SLITRK3: variants seen among roughly 807,000 people sequenced by gnomAD.
SLITRK3 encodes SLIT and NTRK like family member 3, also known as SLIT and NTRK-like protein 3.
A neutral mutation model predicts 63.6 loss-of-function variants in SLITRK3; 16 were observed. That is an observed-to-expected ratio of 0.25 (90% CI 0.17 to 0.38). The LOEUF (loss-of-function observed/expected upper bound fraction) is 0.38. Among genes scored for constraint, SLITRK3 ranks in the 10% least tolerant of loss-of-function variants. The pLI is 1.00. For missense variants in SLITRK3, 1,117 were observed against 1,181.4 expected (o/e 0.95, Z 0.80); for synonymous variants, 547 against 451.6 (o/e 1.21, Z -2.68).
rs916058552 is a variant in SLITRK3, at chr3:165,189,986, G to A, written c.845C>T (p.Pro282Leu). The change falls in exon 2 of 2, where the codon CCC becomes CTC. Residue 282 changes from proline to leucine, a missense_variant. Around this residue, in one of 4 missense-constraint regions of SLITRK3, gnomAD observed 452 missense variants for 495.3 expected, o/e 0.91. Transcript: ENST00000475390. The surrounding 1 kb of genome is among the most constrained non-coding windows in gnomAD (Gnocchi z 4.0). ...CTCTACCTCAGAGTCAGACAACAAG[G>A]GACAGAGTTCTGTCTTCCTGATTTC... The part of the protein sequence containing the change: ...LREIRKTELC[P>L]LLSDSEVEAS... 5 of 1,614,018 alleles carry A rather than the reference G, an allele frequency of 3.1e-6. No individual in the cohort carries two copies. Among genetic ancestry groups the A allele is most frequent in the Non-Finnish European group, 4.2e-6 (5 of 1,180,032 alleles).
rs747160703 is a variant in SLITRK3 at position 165,189,933 on chromosome 3, A to T, written c.898T>A (p.Ser300Thr). The T allele has an allele frequency of 1.8e-5, 29 of 1,614,018 alleles. No individual in the cohort carries two copies. In the East Asian group the frequency reaches 5.8e-4, roughly 32 times the overall value. The change falls in exon 2 of 2, where the codon TCA (serine) becomes ACA (threonine). Residue 300 changes from serine to threonine, a missense_variant. Ser to Thr is a moderately conservative substitution (Grantham distance 58). Transcript: ENST00000475390. This position sits in a 1 kb window ranked among gnomAD's most constrained non-coding sequence, Gnocchi z 4.0. ...EASLGIPHSS[S>T]SKENAWPTKP... Reference sequence around the variant, plus strand: ...GTTGGCCATGCATTCTCCTTACTTGATGACGAATGTGGAATTCCCAAACTA... The same window carrying T: ...GTTGGCCATGCATTCTCCTTACTTGTTGACGAATGTGGAATTCCCAAACTA...
At position 165,189,750 on chromosome 3, in the gene SLITRK3, C is replaced by T. The variant is rs775498452; in HGVS notation, c.1081G>A (p.Ala361Thr). Residue 361 changes from alanine (A) to threonine (T), a missense_variant, in exon 2 of 2, where the codon GCT (alanine) becomes ACT (threonine). Coordinates refer to ENST00000475390, the MANE Select transcript of SLITRK3 (RefSeq NM_001318810.2). This position sits in a 1 kb window ranked among gnomAD's most constrained non-coding sequence, Gnocchi z 4.0. ...ATTGGTGGTCTGGTCTGATAAGGAG[C>T]AATGGGAGGCTGGTTTGGACCAGGA... is the stretch of plus-strand genomic sequence containing the variant. ...LYPGPNQPPI[A>T]PYQTRPPIPI... 5 of 1,614,064 alleles carry T rather than the reference C, an allele frequency of 3.1e-6. No homozygotes were observed. In the Admixed American group the frequency reaches 8.3e-5, roughly 27 times the overall value.
Position 165,188,183 on chromosome 3 carries a change from A to T in SLITRK3, c.2648T>A (p.Met883Lys), listed in dbSNP as rs762744740. 7 of 1,613,624 alleles carry T rather than the reference A, an allele frequency of 4.3e-6. No individual in the cohort carries two copies. The Admixed American group carries it at 6.7e-5, about 15-fold the overall frequency. Reference sequence around the variant, plus strand: ...CTGTGGCCTCTCTCGATCTAGTAGCATACTGCCACTACCACAGCCTCCCCC... The same window carrying T: ...CTGTGGCCTCTCTCGATCTAGTAGCTTACTGCCACTACCACAGCCTCCCCC... ...PPGGGCGSGS[M>K]LLDRERPQPA... Residue 883 changes from methionine (M) to lysine (K), a missense_variant, in exon 2 of 2, where the codon ATG becomes AAG. Met to Lys is a moderately conservative substitution (Grantham distance 95, BLOSUM62 -1). Around this residue, in one of 4 missense-constraint regions of SLITRK3, gnomAD observed 499 missense variants for 463.6 expected, o/e 1.08. Coordinates refer to ENST00000475390, the MANE Select transcript of SLITRK3 (RefSeq NM_001318810.2).
rs1228839625 is a variant in SLITRK3, at chr3:165,189,043, G to C, written c.1788C>G (p.Asn596Lys). The change falls in exon 2 of 2, where the codon AAC becomes AAG. Residue 596 changes from asparagine (N) to lysine (K), a missense_variant. By Grantham distance (94) the Asn-to-Lys change is moderately conservative. Coordinates refer to ENST00000475390, the MANE Select transcript of SLITRK3 (RefSeq NM_001318810.2). This position sits in a 1 kb window ranked among gnomAD's most constrained non-coding sequence, Gnocchi z 4.0. ...VGDVLCRSPE[N>K]LTHRDVRTIE... ...TAGTGCGCACATCACGGTGCGTGAGGTTCTCAGGGCTCCTGCAAAGCACAT... is the reference window on the plus strand; with the variant it reads ...TAGTGCGCACATCACGGTGCGTGAGCTTCTCAGGGCTCCTGCAAAGCACAT... The C allele has an allele frequency of 1.2e-6, 2 of 1,614,042 alleles. No individual in the cohort carries two copies. The highest frequency in any genetic ancestry group is 1.7e-6 in the Non-Finnish European group (2 of 1,180,046).
At chr3:165,196,897 G>GTCCCTCTCTCTCTCTCTCTCTC, upstream of SLITRK3, 1 of 96,528 alleles carries the variant, frequency 1.0e-5, no homozygotes, top group South Asian at 4.5e-4. Context: ...CTCTCTCTCT[G>GTCCCTCTCTCTCTCTCTCTCTC]TCTCTCTCTC....
Position 165,190,435 on chromosome 3 carries a change from T to C in SLITRK3, c.396A>G (p.Leu132=), listed in dbSNP as rs201300174. ...TGAAGACATCTAGTTTGTTTTCATG[T>C]AGATATAGTCTCTTTAAAATCTTAA... ...NGLKILKRLY[L]HENKLDVFRN... is the part of the protein sequence containing the mutation. Residue 132 remains leucine (L), a synonymous_variant, in exon 2 of 2, where the codon CTA becomes CTG. Coordinates refer to ENST00000475390, the MANE Select transcript of SLITRK3 (RefSeq NM_001318810.2). The C allele has an allele frequency of 3.3e-5, 53 of 1,613,862 alleles. No individual in the cohort carries two copies. In the East Asian group the frequency reaches 1.0e-3, roughly 31 times the overall value.
chr3:165,192,713 C>G (rs1015364337), intron 1 of SLITRK3, among the ~76,000 whole-genome samples: 3 of 150,116 alleles, frequency 2.0e-5, no homozygotes, highest in African/African-American at 7.3e-5. Flanking sequence ...AAGCAGCAAG[C>G]TTGAGACGTG....
At chr3:165,191,496 G>T (rs1718225264) in intron 1 of SLITRK3, among the ~76,000 whole-genome samples, 1 of 152,110 alleles carries the variant, frequency 6.6e-6, no homozygotes, top group African/African-American at 2.4e-5. Context: ...TAGTCAGTAT[G>T]TACACTATAT....
rs147338466 is a variant in SLITRK3 at position 165,196,051 on chromosome 3, C to G, written c.-493G>C. 1 of 152,696 alleles carries G rather than the reference C, an allele frequency of 6.5e-6. No individual in the cohort carries two copies. The highest frequency in any genetic ancestry group is 1.5e-5 in the Non-Finnish European group (1 of 68,108). 9.5% of individuals were successfully genotyped at this position (152,696 alleles called of 1,614,324 possible). A position where few individuals can be genotyped will look rare whatever the true frequency, so the allele number is the denominator to read the frequency against. The stretch of plus-strand genomic sequence containing the variant: ...GTTGTCACTCACAGCGCAATCCCTG[C>G]CCGAGGCCTCCTTCCATCCGAGAAG... On this transcript the variant is annotated 5_prime_UTR_variant, in exon 1 of 2. Transcript: ENST00000475390.
intron 1 of SLITRK3, among the ~76,000 whole-genome samples, chr3:165,195,223 G>C (rs564493170): frequency 7.2e-5 from 11 of 152,188 alleles, no homozygotes; most frequent in Non-Finnish European, 1.3e-4. Flanking sequence ...ACAATGGTCT[G>C]TTTAGAAACG....
Position 165,189,778 on chromosome 3 carries a change from T to C in SLITRK3, c.1053A>G (p.Leu351=), listed in dbSNP as rs751579944. The C allele has an allele frequency of 4.3e-6, 7 of 1,614,098 alleles. No homozygotes were observed. In the East Asian group the frequency reaches 6.7e-5, roughly 15 times the overall value. ...TGGGAGGCTGGTTTGGACCAGGATATAAAGCTTGGGAGGTGGAGGGTGGCC... is the reference window on the plus strand; with the variant it reads ...TGGGAGGCTGGTTTGGACCAGGATACAAAGCTTGGGAGGTGGAGGGTGGCC... The part of the protein sequence containing the change: ...TPRPPSTSQA[L]YPGPNQPPIA... Residue 351 remains leucine (L), a synonymous_variant, in exon 2 of 2, where the codon TTA becomes TTG. Coordinates refer to ENST00000475390, the MANE Select transcript of SLITRK3 (RefSeq NM_001318810.2). This position sits in a 1 kb window ranked among gnomAD's most constrained non-coding sequence, Gnocchi z 4.0.
chr3:165,196,248 T>C lies in SLITRK3; in HGVS notation c.-690A>G, dbSNP rs1254248124. On this transcript the variant is annotated 5_prime_UTR_variant, in exon 1 of 2. Coordinates refer to ENST00000475390, the MANE Select transcript of SLITRK3 (RefSeq NM_001318810.2). ...CCCAGCATTGGTCAGACGGCGAAGG[T>C]GGGGGGAAAGAAGGAGAGGGGGAGA... Among the ~76,000 whole-genome samples the C allele has an allele frequency of 8.9e-6, 1 of 112,578 alleles. No individual in the cohort carries two copies. Among genetic ancestry groups the C allele is most frequent in the Non-Finnish European group, 1.9e-5 (1 of 52,866 alleles). The allele number at this position is 112,578 out of a possible 152,430, so 73.9% of individuals were successfully genotyped here. A position where few individuals can be genotyped will look rare whatever the true frequency, so the allele number is the denominator to read the frequency against.
chr3:165,195,165 G>A (rs1718373234), intron 1 of SLITRK3, among the ~76,000 whole-genome samples: 1 of 152,178 alleles, frequency 6.6e-6, no homozygotes, highest in African/African-American at 2.4e-5. Context: ...GAAGAGCTTT[G>A]AGCCGTCTAT....
At position 165,190,211 on chromosome 3, in the gene SLITRK3, C is replaced by A; in HGVS notation, c.620G>T (p.Arg207Met). ...TCCTCGGTAAAAAAGAACCTTTAAC[C>A]TATTTCCACGTAGGTCCAAATGGGT... Reference protein sequence around the residue: ...SLTHLDLRGNRLKVLFYRGML... With the variant: ...SLTHLDLRGNMLKVLFYRGML... Residue 207 changes from arginine to methionine, a missense_variant, in exon 2 of 2, where the codon AGG (arginine) becomes ATG (methionine). Physicochemically the swap from Arg to Met is moderately conservative, Grantham distance 91 (BLOSUM62 -1). This residue lies in a region of SLITRK3 where 452 missense variants were observed against 495.3 expected (regional missense o/e 0.91). Coordinates refer to ENST00000475390, the MANE Select transcript of SLITRK3 (RefSeq NM_001318810.2). The A allele has an allele frequency of 6.2e-7, 1 of 1,614,194 alleles. No homozygotes were observed. The highest frequency in any genetic ancestry group is 1.1e-5 in the South Asian group (1 of 91,084).
In SLITRK3 at chr3:165,188,199, A is replaced by C; in HGVS notation, c.2632T>G (p.Cys878Gly). The change falls in exon 2 of 2, where the codon TGT becomes GGT. Residue 878 changes from cysteine to glycine, a missense_variant. Cys to Gly is a radical substitution (Grantham distance 159). Coordinates refer to ENST00000475390, the MANE Select transcript of SLITRK3 (RefSeq NM_001318810.2). ...TCTAGTAGCATACTGCCACTACCACAGCCTCCCCCAGGAGGAAACAGCACC... is the reference window on the plus strand; with the variant it reads ...TCTAGTAGCATACTGCCACTACCACCGCCTCCCCCAGGAGGAAACAGCACC... ...GVVLFPPGGG[C>G]GSGSMLLDRE... 6.2e-7 allele frequency: 1 copy of C among 1,613,752 alleles called. No individual in the cohort carries two copies. Among genetic ancestry groups the C allele is most frequent in the Middle Eastern group, 1.6e-4 (1 of 6,062 alleles).
intron 1 of SLITRK3, among the ~76,000 whole-genome samples, chr3:165,193,106 A>AGTGT (rs35240347): frequency 0.011 from 1,520 of 143,420 alleles, 18 homozygotes; most frequent in South Asian, 0.029. Context: ...CAGTTGAGTG[A>AGTGT]GTGTGTGTGT....
chr3:165,193,308 T>A (rs1576972312), intron 1 of SLITRK3, among the ~76,000 whole-genome samples: 2 of 114,858 alleles, frequency 1.7e-5, no homozygotes, highest in South Asian at 5.7e-4. Flanking sequence ...TTTCTTTCTT[T>A]CTTTTTTTTT....
At chr3:165,195,374 C>A (rs1263408585) in intron 1 of SLITRK3, among the ~76,000 whole-genome samples, 2 of 152,140 alleles carry the variant, frequency 1.3e-5, no homozygotes, top group African/African-American at 4.8e-5. Flanking sequence ...GAAAAGAGGT[C>A]CGAGGGTATG....
chr3:165,193,012 A>G (rs11928265), intron 1 of SLITRK3, among the ~76,000 whole-genome samples: 18,827 of 152,060 alleles, frequency 0.12, 1,200 homozygotes, highest in Admixed American at 0.16. Context: ...CCCTGAACCC[A>G]GCATTCCACG....
Sources: allele counts gnomAD v4.1 joint callset (sites outside exome capture counted in the v4.1 genomes callset), GRCh38; gene constraint gnomAD v4.1.1; regional missense constraint gnomAD v4.1.1; non-coding constraint Gnocchi (gnomAD v3.1); transcripts MANE v1.5; gene names NCBI Gene and HGNC (gene_info 2026-07-23, HGNC 2026-07-21).